ZCCHC2: variants seen among roughly 807,000 people sequenced by gnomAD.
ZCCHC2 encodes zinc finger CCHC domain-containing protein 2.
In ZCCHC2, 39 loss-of-function variants were observed where a neutral mutation model predicts 103.6. The observed-to-expected ratio is 0.38, with a 90% CI of 0.29 to 0.49. ZCCHC2 has a LOEUF of 0.49. Ranked by LOEUF, ZCCHC2 falls within the 20% of genes least tolerant of loss-of-function variation. The pLI is 0.96. For missense variants in ZCCHC2, 1,483 were observed against 1,491.0 expected, an observed-to-expected ratio of 0.99 and a Z score of 0.09; for synonymous variants, 687 against 608.9, an observed-to-expected ratio of 1.13 and a Z score of -1.89.
chr18:62,548,572 G>C (rs1283828342), intron 4 of ZCCHC2, among the ~76,000 whole-genome samples: 1 of 152,200 alleles, frequency 6.6e-6, no homozygotes, highest in Non-Finnish European at 1.5e-5. Flanking sequence ...GGTGTTATCA[G>C]TCTGTATTAA....
Position 62,523,566 on chromosome 18 carries a change from C to CCGT in ZCCHC2, c.144_145insTCG (p.Pro48_Pro49insSer). The CCGT allele has an allele frequency of 1.0e-6, 1 of 960,088 alleles. No homozygotes were observed. The highest frequency in any genetic ancestry group is 1.8e-5 in the African/African-American group (1 of 55,622). The allele number at this position is 960,088 out of a possible 1,614,324, so 59.5% of individuals were successfully genotyped here. A position where few individuals can be genotyped will look rare whatever the true frequency, so the allele number is the denominator to read the frequency against. ...CGACTGCCGCCCCCCGCCGCCGCCGCCGCCGCCCGCGGGCCCGTCGCGGGG... is the reference window on the plus strand; with the variant it reads ...CGACTGCCGCCCCCCGCCGCCGCCGCCGTCGCCGCCCGCGGGCCCGTCGCGGGG... On this transcript the variant is annotated inframe_insertion, in exon 1 of 14. Transcript: ENST00000269499.
chr18:62,549,206 G>A (rs576219318), intron 4 of ZCCHC2, among the ~76,000 whole-genome samples: 69 of 151,634 alleles, frequency 4.6e-4, no homozygotes, highest in African/African-American at 1.6e-3. Context: ...GCAACAGAGC[G>A]AGACTCCGTC....
In ZCCHC2 at chr18:62,573,566, C is replaced by A. The variant is rs554498583; in HGVS notation, c.1976-491C>A. On this transcript the variant is annotated intron_variant, in intron 12 of 13. Transcript: ENST00000269499. Reference sequence around the variant, plus strand: ...AATATTGATTCCATTCTAAAAAAAACAACAACAACAACAAAAGAAAACTCT... The same window carrying A: ...AATATTGATTCCATTCTAAAAAAAAAAACAACAACAACAAAAGAAAACTCT... Among the ~76,000 whole-genome samples, 24 of 150,734 alleles carry A rather than the reference C, an allele frequency of 1.6e-4. 1 individual carries two copies. The South Asian group carries it at 2.9e-3, about 18-fold the overall frequency.
intron 3 of ZCCHC2, 29 bp from the exon 4 acceptor site, chr18:62,544,773 A>G (rs1215038157): frequency 6.6e-7 from 1 of 1,523,214 alleles, no homozygotes; most frequent in South Asian, 1.3e-5. Flanking sequence ...GGGAATAACC[A>G]TATAATATGT....
Position 62,523,840 on chromosome 18 carries a change from G to T in ZCCHC2, c.416G>T (p.Arg139Leu). The stretch of plus-strand genomic sequence containing the variant: ...GGCTCGTGCCTGGAGGACCTGGCGC[G>T]CAAGGACTACCACTACCTGCGCGAC... ...FLGSCLEDLA[R>L]KDYHYLRDSE... The change falls in exon 1 of 14, where the codon CGC (arginine) becomes CTC (leucine). Residue 139 changes from arginine to leucine, a missense_variant. Coordinates refer to ENST00000269499, the MANE Select transcript of ZCCHC2 (RefSeq NM_017742.6). 2 of 1,544,726 alleles carry T rather than the reference G, an allele frequency of 1.3e-6. No homozygotes were observed. The highest frequency in any genetic ancestry group is 1.2e-5 in the South Asian group (1 of 83,942).
At chr18:62,536,456 C>T (rs2145492186) in intron 1 of ZCCHC2, among the ~76,000 whole-genome samples, 1 of 152,316 alleles carries the variant, frequency 6.6e-6, no homozygotes, top group South Asian at 2.1e-4. Flanking sequence ...GGCATTTCAT[C>T]TGTTCTGCAT....
intron 6 of ZCCHC2, among the ~76,000 whole-genome samples, chr18:62,558,173 T>C (rs1242667716): frequency 6.6e-6 from 1 of 152,206 alleles, no homozygotes; most frequent in African/African-American, 2.4e-5. Flanking sequence ...TGTATTTTAA[T>C]GGGGAAGTAA....
chr18:62,574,308 G>C lies in ZCCHC2; in HGVS notation c.2227G>C (p.Ala743Pro). 6.2e-7 allele frequency: 1 copy of C among 1,614,020 alleles called. No homozygotes were observed. The highest frequency in any genetic ancestry group is 8.5e-7 in the Non-Finnish European group (1 of 1,179,906). Residue 743 changes from alanine (A) to proline (P), a missense_variant, in exon 13 of 14, where the codon GCT (alanine) becomes CCT (proline). Physicochemically the swap from Ala to Pro is conservative, Grantham distance 27. Around this residue, in one of 3 missense-constraint regions of ZCCHC2, gnomAD observed 884 missense variants for 907.5 expected, o/e 0.97. Transcript: ENST00000269499. ...AGTTGTCGTTCCTGCACCCAAACCC[G>C]CTGATGGCAAAACCATAGGGATGCT... is the stretch of plus-strand genomic sequence containing the variant. ...SEVVVPAPKPADGKTIGMLVP... is the reference protein window; with the variant it reads ...SEVVVPAPKPPDGKTIGMLVP...
At chr18:62,555,763 G>A (rs972655166) in intron 5 of ZCCHC2, among the ~76,000 whole-genome samples, 5 of 151,824 alleles carry the variant, frequency 3.3e-5, no homozygotes, top group Admixed American at 1.3e-4. Flanking sequence ...AGCTGAGATC[G>A]CGCCATTGCA....
chr18:62,544,947 AC>A, intron 4 of ZCCHC2, 74 bp downstream of exon 4: 1 of 1,217,784 alleles, frequency 8.2e-7, no homozygotes, highest in Non-Finnish European at 1.1e-6. Context: ...CGTCAAAAAA[AC>A]ACCAGGAAAA....
At position 62,524,229 on chromosome 18, in the gene ZCCHC2, C is replaced by T. The variant is rs1163556780; in HGVS notation, c.805C>T (p.His269Tyr). Residue 269 changes from histidine (H) to tyrosine (Y), a missense_variant, in exon 1 of 14, where the codon CAC becomes TAC. Transcript: ENST00000269499. ...LLLLFTMASL[H>Y]PAFSFHQRVT... ...GCTGCTCTTCACCATGGCCTCGCTG[C>T]ACCCGGCTTTCTCCTTCCACCAGCG... 1.3e-6 allele frequency: 2 copies of T among 1,550,102 alleles called. No homozygotes were observed. The highest frequency in any genetic ancestry group is 2.0e-5 in the Admixed American group (1 of 50,998).
downstream of ZCCHC2, among the ~76,000 whole-genome samples, chr18:62,580,550 C>T (rs11152352): frequency 0.59 from 40,039 of 67,954 alleles, 10,107 homozygotes; most frequent in East Asian, 0.93. Flanking sequence ...CCTCCCGAGA[C>T]GGTGTCACAG....
chr18:62,539,295 T>C (rs889226881), intron 1 of ZCCHC2, among the ~76,000 whole-genome samples: 1 of 152,218 alleles, frequency 6.6e-6, no homozygotes, highest in Admixed American at 6.5e-5. Flanking sequence ...TTTAGACTGT[T>C]ATTAAAACCA....
chr18:62,574,415 C>T lies in ZCCHC2; in HGVS notation c.2334C>T (p.Cys778=). 4 of 1,613,990 alleles carry T rather than the reference C, an allele frequency of 2.5e-6. No individual in the cohort carries two copies. Among genetic ancestry groups the T allele is most frequent in the Non-Finnish European group, 3.4e-6 (4 of 1,179,886 alleles). The stretch of plus-strand genomic sequence containing the variant: ...TTGGAATACTAGGGCCAACAGCTTG[C>T]ACTGGAGAATCGGAAAAGCACCTTG... ...TPVGILGPTA[C]TGESEKHLEL... The change falls in exon 13 of 14, where the codon TGC becomes TGT. Residue 778 remains cysteine, a synonymous_variant. Coordinates refer to ENST00000269499, the MANE Select transcript of ZCCHC2 (RefSeq NM_017742.6).
chr18:62,583,251 A>G (rs1296719450), downstream of ZCCHC2, among the ~76,000 whole-genome samples: 1 of 152,252 alleles, frequency 6.6e-6, no homozygotes, highest in Non-Finnish European at 1.5e-5. Context: ...GATGAACGAT[A>G]TAGAAGCTAT....
rs866334998 is a variant in ZCCHC2, at chr18:62,575,445, G to A, written c.3364G>A (p.Gly1122Ser). 6.2e-7 allele frequency: 1 copy of A among 1,613,892 alleles called. No individual in the cohort carries two copies. The highest frequency in any genetic ancestry group is 2.2e-5 in the East Asian group (1 of 44,898). The change falls in exon 13 of 14, where the codon GGT becomes AGT. Residue 1122 changes from glycine (G) to serine (S), a missense_variant. Coordinates refer to ENST00000269499, the MANE Select transcript of ZCCHC2 (RefSeq NM_017742.6). The part of the protein sequence containing the change: ...PAPNVVANTS[G>S]SGPKKNGNVS... Reference sequence around the variant, plus strand: ...ACCTAACGTAGTTGCCAACACCAGTGGTTCGGGGCCCAAGAAGAATGGGAA... The same window carrying A: ...ACCTAACGTAGTTGCCAACACCAGTAGTTCGGGGCCCAAGAAGAATGGGAA...
chr18:62,543,730 C>G (rs1915298600), intron 3 of ZCCHC2, among the ~76,000 whole-genome samples: 1 of 152,170 alleles, frequency 6.6e-6, no homozygotes, highest in Non-Finnish European at 1.5e-5. Context: ...GTACCATGCC[C>G]TATGCGTTTT....
chr18:62,526,766 T>A (rs370622042), intron 1 of ZCCHC2: 1 of 151,824 alleles, frequency 6.6e-6, no homozygotes, highest in South Asian at 2.1e-4. Context: ...CACGGCGATA[T>A]AGGGTCCGTG....
At chr18:62,573,250 CTG>C (rs990510632) in intron 12 of ZCCHC2, among the ~76,000 whole-genome samples, 17 of 152,260 alleles carry the variant, frequency 1.1e-4, no homozygotes, top group Admixed American at 1.1e-3. Context: ...AACACAGTGT[CTG>C]GGTCTATGAT....
Sources: allele counts gnomAD v4.1 joint callset (sites outside exome capture counted in the v4.1 genomes callset), GRCh38; gene constraint gnomAD v4.1.1; regional missense constraint gnomAD v4.1.1; transcripts MANE v1.5; gene names NCBI Gene and HGNC (gene_info 2026-07-23, HGNC 2026-07-21).